AATF: variants seen among roughly 807,000 people sequenced by gnomAD.
The protein encoded by AATF is apoptosis antagonizing transcription factor.
In AATF, 48 loss-of-function variants were observed where a neutral mutation model predicts 63.7. The observed-to-expected ratio is 0.75, with a 90% CI of 0.60 to 0.96. The LOEUF (loss-of-function observed/expected upper bound fraction) is 0.96, where lower values mean the gene tolerates loss of function less well. Ranked by LOEUF, AATF falls within the 40% of genes least tolerant of loss-of-function variation. AATF has a pLI of 0.00. For missense variants in AATF, 639 were observed against 685.7 expected, an observed-to-expected ratio of 0.93 and a Z score of 0.76; for synonymous variants, 258 against 247.7, an observed-to-expected ratio of 1.04 and a Z score of -0.39.
Position 37,007,939 on chromosome 17 carries a change from A to G in AATF, c.1399-11066A>G, listed in dbSNP as rs1327958088. Among the ~76,000 whole-genome samples, 3 of 152,212 alleles carry G rather than the reference A, an allele frequency of 2.0e-5. No homozygotes were observed. In the East Asian group the frequency reaches 5.8e-4, roughly 29 times the overall value. ...CTTCTGCTCCAGTTTCTCATGATCTAGTTTGGAAAAGTCCTTTAACCCATA... is the reference window on the plus strand; with the variant it reads ...CTTCTGCTCCAGTTTCTCATGATCTGGTTTGGAAAAGTCCTTTAACCCATA... On this transcript the variant is annotated intron_variant, in intron 8 of 11. Transcript: ENST00000619387.
intron 4 of AATF, among the ~76,000 whole-genome samples, chr17:36,962,092 C>G (rs953641254): frequency 1.3e-5 from 2 of 152,210 alleles, no homozygotes; most frequent in African/African-American, 2.4e-5. Context: ...CCTGCCTCCA[C>G]TAGGTATTAT....
At chr17:36,960,097 T>G (rs1300855662) in intron 4 of AATF, among the ~76,000 whole-genome samples, 1 of 151,792 alleles carries the variant, frequency 6.6e-6, no homozygotes, top group African/African-American at 2.4e-5. Context: ...CACTGCAACC[T>G]CTGCCTCCCG....
In AATF at chr17:36,949,002, G is replaced by C. The variant is rs1383525956; in HGVS notation, c.-124G>C. The C allele has an allele frequency of 1.1e-6, 1 of 919,908 alleles. No homozygotes were observed. 57.0% of individuals were successfully genotyped at this position (919,908 alleles called of 1,614,324 possible). On this transcript the variant is annotated 5_prime_UTR_variant, in exon 1 of 12. Coordinates refer to ENST00000619387, the MANE Select transcript of AATF (RefSeq NM_012138.4). ...CAGAGCTGTGGGGTGGCCTCCGCGCGGTCTCTGGCGGAGTCGGGGAATCGG... is the reference window on the plus strand; with the variant it reads ...CAGAGCTGTGGGGTGGCCTCCGCGCCGTCTCTGGCGGAGTCGGGGAATCGG...
At chr17:36,959,960 A>G (rs1373599156) in intron 4 of AATF, among the ~76,000 whole-genome samples, 1 of 152,014 alleles carries the variant, frequency 6.6e-6, no homozygotes, top group African/African-American at 2.4e-5. Context: ...TTACACTCTC[A>G]TATCTTTGTG....
chr17:36,975,134 A>T (rs1306648208), intron 4 of AATF, among the ~76,000 whole-genome samples: 3 of 152,148 alleles, frequency 2.0e-5, no homozygotes, highest in Non-Finnish European at 4.4e-5. Context: ...AGAGATAACC[A>T]TTTTAAATAA....
At chr17:36,983,787 G>C (rs2071146162) in intron 4 of AATF, among the ~76,000 whole-genome samples, 2 of 152,166 alleles carry the variant, frequency 1.3e-5, no homozygotes, top group African/African-American at 4.8e-5. Context: ...AAGGATTACA[G>C]AATTTAGAAA....
intron 8 of AATF, among the ~76,000 whole-genome samples, chr17:36,994,020 T>G (rs2071235606): frequency 6.6e-6 from 1 of 152,210 alleles, no homozygotes; most frequent in Admixed American, 6.5e-5. Context: ...TGTATATGTG[T>G]GTGTACATAC....
At chr17:37,047,364 G>A (rs1283581007) in intron 11 of AATF, among the ~76,000 whole-genome samples, 1 of 152,120 alleles carries the variant, frequency 6.6e-6, no homozygotes, top group Non-Finnish European at 1.5e-5. Context: ...CTAGTAGTAG[G>A]GATGGTGGAA....
intron 10 of AATF, 23 bp downstream of exon 10, chr17:37,021,037 T>C: frequency 1.3e-6 from 2 of 1,576,954 alleles, no homozygotes; most frequent in South Asian, 1.1e-5. Context: ...TCGGAAAAAA[T>C]GTCAACATAT....
At chr17:36,990,238 T>C (rs1366291263) in intron 7 of AATF, among the ~76,000 whole-genome samples, 1 of 152,220 alleles carries the variant, frequency 6.6e-6, no homozygotes, top group Non-Finnish European at 1.5e-5. Flanking sequence ...TTTCATTACC[T>C]AGAGAGCTAC....
chr17:36,957,476 TA>T (rs964767477), intron 4 of AATF, among the ~76,000 whole-genome samples: 2 of 152,250 alleles, frequency 1.3e-5, no homozygotes, highest in African/African-American at 4.8e-5. Flanking sequence ...TTGGATTCTT[TA>T]TATAATTTAA....
At chr17:37,030,590 T>C (rs1020715637) in intron 10 of AATF, among the ~76,000 whole-genome samples, 1 of 152,216 alleles carries the variant, frequency 6.6e-6, no homozygotes, top group Admixed American at 6.5e-5. Context: ...ATATTTTTTT[T>C]TCCATTTGGT....
chr17:36,970,541 C>CTTTTTTTT (rs773737841), intron 4 of AATF, among the ~76,000 whole-genome samples: 1 of 87,018 alleles, frequency 1.1e-5, no homozygotes, highest in Non-Finnish European at 2.4e-5. Flanking sequence ...TTTCTTTTTT[C>CTTTTTTTT]TTTTTTTTTT....
intron 10 of AATF, among the ~76,000 whole-genome samples, chr17:37,021,865 T>G (rs1008358671): frequency 2.0e-5 from 3 of 151,066 alleles, no homozygotes; most frequent in African/African-American, 7.3e-5. Context: ...TATTGTCTTA[T>G]TGGTCCATTT....
Position 36,950,297 on chromosome 17 carries a change from C to T in AATF, c.175C>T (p.Leu59=). Residue 59 remains leucine (L), a synonymous_variant, in exon 2 of 12, where the codon CTG becomes TTG. Coordinates refer to ENST00000619387, the MANE Select transcript of AATF (RefSeq NM_012138.4). ...CCTAGTAGTGGGTAGCATTAGAAAACTGGCATCAGCCTCCCTCTTGGACAC... is the reference window on the plus strand; with the variant it reads ...CCTAGTAGTGGGTAGCATTAGAAAATTGGCATCAGCCTCCCTCTTGGACAC... ...DFLVVGSIRK[L]ASASLLDTDK... is the part of the protein sequence containing the mutation. 1.2e-6 allele frequency: 2 copies of T among 1,614,182 alleles called. No homozygotes were observed. Among genetic ancestry groups the T allele is most frequent in the Non-Finnish European group, 1.7e-6 (2 of 1,180,020 alleles).
At chr17:37,046,730 AACACACACACACACACAC>A (rs58296683) in intron 11 of AATF, among the ~76,000 whole-genome samples, 7 of 139,970 alleles carry the variant, frequency 5.0e-5, no homozygotes, top group Non-Finnish European at 9.3e-5. Flanking sequence ...GTGCTCCCCC[AACACACACACACACACAC>A]ACACACACAC....
intron 4 of AATF, among the ~76,000 whole-genome samples, chr17:36,985,003 G>A (rs2071156494): frequency 6.6e-6 from 1 of 151,028 alleles, no homozygotes; most frequent in Non-Finnish European, 1.5e-5. Context: ...CCAGGTTCAA[G>A]CAATTCTCCT....
chr17:37,016,379 A>G (rs1011005824), intron 8 of AATF, among the ~76,000 whole-genome samples: 2 of 152,124 alleles, frequency 1.3e-5, no homozygotes, highest in African/African-American at 4.8e-5. Flanking sequence ...TTCCTCATGT[A>G]TATTGGTATG....
intron 4 of AATF, among the ~76,000 whole-genome samples, chr17:36,973,288 A>T (rs9944453): frequency 3.3e-5 from 5 of 151,940 alleles, no homozygotes; most frequent in Non-Finnish European, 5.9e-5. Context: ...TAAAGGATTT[A>T]TCCTTTTTTT....
Sources: gnomAD v4.1 joint callset for allele counts (sites outside exome capture counted in the v4.1 genomes callset) on GRCh38, gnomAD v4.1.1 for gene constraint, MANE v1.5 for transcripts, NCBI Gene and HGNC (gene_info 2026-07-23, HGNC 2026-07-21) for gene names.